The following NDRG4 variants were observed in gnomAD, a reference collection of about 807,000 sequenced individuals.
The protein encoded by NDRG4 is NDRG family member 4.
Under a neutral mutation model 55.8 loss-of-function variants are expected in NDRG4, and 38 were observed. That is an observed-to-expected ratio of 0.68 (90% confidence interval 0.53 to 0.89). The LOEUF is 0.89. Ranked by LOEUF, NDRG4 falls within the 40% of genes least tolerant of loss-of-function variation. The pLI is 0.00. For synonymous variants in NDRG4, 190 were observed against 182.7 expected, an observed-to-expected ratio of 1.04 and a Z score of -0.32; for missense variants, 455 against 468.6, an observed-to-expected ratio of 0.97 and a Z score of 0.27.
chr16:58,474,224 G>A (rs530548228), intron 1 of NDRG4, among the ~76,000 whole-genome samples: 1 of 152,024 alleles, frequency 6.6e-6, no homozygotes, highest in East Asian at 1.9e-4. Context: ...TGTATTTTTA[G>A]TAGAGACGGG....
intron 1 of NDRG4, among the ~76,000 whole-genome samples, chr16:58,503,370 C>T (rs1042474151): frequency 6.6e-6 from 1 of 152,168 alleles, no homozygotes; most frequent in African/African-American, 2.4e-5. Context: ...TCTGAGGATT[C>T]CAGGCAGGAC....
At chr16:58,469,419 G>A (rs1339030705) in intron 1 of NDRG4, among the ~76,000 whole-genome samples, 1 of 152,168 alleles carries the variant, frequency 6.6e-6, no homozygotes, top group African/African-American at 2.4e-5. Context: ...CCTCTGGGTA[G>A]AGGATTATAA....
At chr16:58,469,505 A>G (rs2032358496) in intron 1 of NDRG4, among the ~76,000 whole-genome samples, 2 of 152,302 alleles carry the variant, frequency 1.3e-5, no homozygotes, top group South Asian at 2.1e-4. Context: ...ATTTTTAGGA[A>G]CAAATAAAGA....
In NDRG4 at chr16:58,505,708, ATTTTCTTTTTTTT is replaced by A. The variant is rs1418220689; in HGVS notation, c.373-674_373-662del. 6.2e-4 allele frequency among the ~76,000 whole-genome samples: 44 copies of A among 70,630 alleles called. 1 individual carries two copies. The highest frequency in any genetic ancestry group is 2.2e-4 in the Non-Finnish European group (8 of 37,050). 46.3% of individuals were successfully genotyped at this position (70,630 alleles called of 152,430 possible). On this transcript the variant is annotated intron_variant, in intron 5 of 14. Coordinates refer to ENST00000570248, the MANE Select transcript of NDRG4 (RefSeq NM_001242835.2). ...TCTTAATTTATATCATGAGGGCTTC[ATTTTCTTTTTTTT>A]TTTTTTTTTTTTTTTTTTGAGATGG...
At chr16:58,495,149 T>A, upstream of NDRG4, 1 of 796,178 alleles carries the variant, frequency 1.3e-6, no homozygotes. Flanking sequence ...GGAGATGAAC[T>A]GGCCCTGCTT....
intron 1 of NDRG4, among the ~76,000 whole-genome samples, chr16:58,485,268 C>T (rs2034957388): frequency 6.6e-6 from 1 of 152,190 alleles, no homozygotes; most frequent in Non-Finnish European, 1.5e-5. Flanking sequence ...CCCACAACTC[C>T]AGCCAAGCCC....
intron 1 of NDRG4, among the ~76,000 whole-genome samples, chr16:58,478,690 G>GTTTT (rs763426631): frequency 4.2e-3 from 43 of 10,292 alleles, no homozygotes; most frequent in South Asian, 0.013. Context: ...GTGCTTTTTT[G>GTTTT]TTTTTTGTTT....
At chr16:58,471,172 A>G (rs1480590573) in intron 1 of NDRG4, among the ~76,000 whole-genome samples, 2 of 145,900 alleles carry the variant, frequency 1.4e-5, no homozygotes, top group Non-Finnish European at 1.5e-5. Flanking sequence ...CTATAAGAGA[A>G]TGAATGTGTG....
At chr16:58,480,274 C>G (rs1477952582) in intron 1 of NDRG4, among the ~76,000 whole-genome samples, 1 of 152,234 alleles carries the variant, frequency 6.6e-6, no homozygotes, top group Admixed American at 6.5e-5. Context: ...GTGCCTGCCA[C>G]CACGCCCGGC....
At chr16:58,474,135 C>G (rs768377565) in intron 1 of NDRG4, among the ~76,000 whole-genome samples, 2 of 141,528 alleles carry the variant, frequency 1.4e-5, no homozygotes, top group Non-Finnish European at 3.0e-5. Flanking sequence ...CTCCCAGGTT[C>G]AAGTGATTCT....
chr16:58,501,359 G>A (rs2037073638), intron 1 of NDRG4: 1 of 332,714 alleles, frequency 3.0e-6, no homozygotes, highest in Non-Finnish European at 5.4e-6. Context: ...ACAGGCGAGG[G>A]GAGACGGACC....
At chr16:58,491,678 T>G (rs1293242265) in intron 2 of NDRG4, among the ~76,000 whole-genome samples, 1 of 152,194 alleles carries the variant, frequency 6.6e-6, no homozygotes, top group Non-Finnish European at 1.5e-5. Context: ...CAGGCTGGCC[T>G]CAAACTCCCA....
rs184236430 is a variant in NDRG4 at position 58,502,798 on chromosome 16, C to T, written c.22-1000C>T. Among the ~76,000 whole-genome samples, 270 of 152,344 alleles carry T rather than the reference C, an allele frequency of 1.8e-3. 2 individuals are homozygous for T. The highest frequency in any genetic ancestry group is 6.4e-3 in the African/African-American group (264 of 41,574). ...CCACTCACGTGGTTCCCAGGGCTCA[C>T]AATGATGCAGAGAGGATCGGTTTAT... On this transcript the variant is annotated intron_variant, in intron 1 of 14. Coordinates refer to ENST00000570248, the MANE Select transcript of NDRG4 (RefSeq NM_001242835.2).
rs1437385745 is a variant in NDRG4, at chr16:58,464,276, G to T, written c.-24+479G>T. Reference sequence around the variant, plus strand: ...TTGGAGGGGGGAGCGCGGCGTTGGGGGCGGGAGAGCGCTCCTGGCTGTGAG... The same window carrying T: ...TTGGAGGGGGGAGCGCGGCGTTGGGTGCGGGAGAGCGCTCCTGGCTGTGAG... On this transcript the variant is annotated intron_variant, in intron 1 of 15. Transcript: ENST00000258187. The surrounding 1 kb of genome is among the most constrained non-coding windows in gnomAD (Gnocchi z 4.8). 6 of 522,160 alleles carry T rather than the reference G, an allele frequency of 1.1e-5. No individual in the cohort carries two copies. The highest frequency in any genetic ancestry group is 6.0e-5 in the African/African-American group (3 of 50,260). The allele number at this position is 522,160 out of a possible 1,614,324, so 32.3% of individuals were successfully genotyped here. A position where few individuals can be genotyped will look rare whatever the true frequency, so the allele number is the denominator to read the frequency against.
At chr16:58,500,415 G>A (rs2036928468) in intron 1 of NDRG4, 146 bp downstream of exon 1, 2 of 1,119,654 alleles carry the variant, frequency 1.8e-6, no homozygotes, top group South Asian at 3.2e-5. Context: ...ACTGAGACAC[G>A]GCCAGAGTGC....
Position 58,505,708 on chromosome 16 carries a change from A to ATTTTT in NDRG4, c.373-675_373-674insTTTTT, listed in dbSNP as rs869263659. Among the ~76,000 whole-genome samples, 17 of 70,624 alleles carry ATTTTT rather than the reference A, an allele frequency of 2.4e-4. 1 individual carries two copies. Among genetic ancestry groups the ATTTTT allele is most frequent in the East Asian group, 4.3e-4 (1 of 2,342 alleles). The allele number at this position is 70,624 out of a possible 152,430, so 46.3% of individuals were successfully genotyped here. ...TCTTAATTTATATCATGAGGGCTTC[A>ATTTTT]TTTTCTTTTTTTTTTTTTTTTTTTT... On this transcript the variant is annotated intron_variant, in intron 5 of 14. Coordinates refer to ENST00000570248, the MANE Select transcript of NDRG4 (RefSeq NM_001242835.2).
In NDRG4 at chr16:58,506,633, G is replaced by A. The variant is rs1262495468; in HGVS notation, c.516+19G>A. ...CAGCCAGGTAAGGGGGGGAACTTCT[G>A]CAGATCTGGGGTGATCTGGGATTTG... On this transcript the variant is annotated intron_variant, in intron 7 of 14. Coordinates refer to ENST00000570248, the MANE Select transcript of NDRG4 (RefSeq NM_001242835.2). 1.9e-6 allele frequency: 3 copies of A among 1,545,586 alleles called. No individual in the cohort carries two copies. Among genetic ancestry groups the A allele is most frequent in the Non-Finnish European group, 2.6e-6 (3 of 1,146,722 alleles).
chr16:58,486,897 C>G (rs1053978716), intron 1 of NDRG4, among the ~76,000 whole-genome samples: 1 of 152,118 alleles, frequency 6.6e-6, no homozygotes, highest in African/African-American at 2.4e-5. Context: ...ACCTGCACCC[C>G]CTCTTTCAAC....
chr16:58,502,781 G>A (rs748391928), intron 1 of NDRG4, among the ~76,000 whole-genome samples: 32 of 152,310 alleles, frequency 2.1e-4, no homozygotes, highest in Non-Finnish European at 2.2e-4. Flanking sequence ...GGCCACTCAC[G>A]TGGTTCCCAG....
Sources: allele counts gnomAD v4.1 joint callset (sites outside exome capture counted in the v4.1 genomes callset), GRCh38; gene constraint gnomAD v4.1.1; non-coding constraint Gnocchi (gnomAD v3.1); transcripts MANE v1.5; gene names NCBI Gene and HGNC (gene_info 2026-07-23, HGNC 2026-07-21).